The following CDH13 variants were observed in gnomAD, a reference collection of about 807,000 sequenced individuals.
The protein encoded by CDH13 is cadherin-13.
In CDH13, 24 loss-of-function variants were observed where a neutral mutation model predicts 63.8. That is an observed-to-expected ratio of 0.38 (90% CI 0.27 to 0.53). The LOEUF (loss-of-function observed/expected upper bound fraction) is 0.53. CDH13 is among the 20% of genes least tolerant of loss of function. The pLI is 0.85. For missense variants in CDH13, 1,049 were observed against 903.1 expected (o/e 1.16, Z -2.07); for synonymous variants, 503 against 355.3 (o/e 1.42, Z -4.67).
chr16:83,012,866 A>G (rs1334193404), intron 2 of CDH13, among the ~76,000 whole-genome samples: 1 of 152,230 alleles, frequency 6.6e-6, no homozygotes, highest in East Asian at 1.9e-4. Context: ...TTTTAAATGG[A>G]AAATATCTCC....
chr16:82,863,179 C>T (rs1028007188), intron 2 of CDH13, among the ~76,000 whole-genome samples: 1 of 152,118 alleles, frequency 6.6e-6, no homozygotes, highest in Admixed American at 6.5e-5. Flanking sequence ...AAATGGACCA[C>T]AAAGGAGCCA....
chr16:83,559,694 A>G (rs1372407099), intron 7 of CDH13, among the ~76,000 whole-genome samples: 1 of 152,114 alleles, frequency 6.6e-6, no homozygotes, highest in Non-Finnish European at 1.5e-5. Flanking sequence ...TAGGCACCTT[A>G]ATTCTACCCA....
intron 1 of CDH13, among the ~76,000 whole-genome samples, chr16:82,809,070 A>T (rs964446915): frequency 5.3e-5 from 8 of 152,118 alleles, no homozygotes; most frequent in Non-Finnish European, 1.2e-4. Flanking sequence ...ATGTGTTTGT[A>T]TATCAGTGTA....
At chr16:83,453,953 G>T (rs2072954842) in intron 6 of CDH13, among the ~76,000 whole-genome samples, 1 of 152,198 alleles carries the variant, frequency 6.6e-6, no homozygotes, top group Non-Finnish European at 1.5e-5. Context: ...GCCTTCCCAA[G>T]CAGGGTGTGC....
chr16:83,300,940 C>T (rs2089719085), intron 5 of CDH13, among the ~76,000 whole-genome samples: 1 of 151,056 alleles, frequency 6.6e-6, no homozygotes. Flanking sequence ...TCCTCTTCAC[C>T]AAGTGGCACA....
At chr16:83,520,886 A>G (rs1000345020) in intron 7 of CDH13, among the ~76,000 whole-genome samples, 3 of 152,190 alleles carry the variant, frequency 2.0e-5, no homozygotes, top group African/African-American at 4.8e-5. Flanking sequence ...TCCAAGTTTT[A>G]TTTAAAAATC....
chr16:82,683,743 T>G (rs972301789), intron 1 of CDH13, among the ~76,000 whole-genome samples: 1 of 152,206 alleles, frequency 6.6e-6, no homozygotes, highest in Non-Finnish European at 1.5e-5. Context: ...AGTCCATACT[T>G]TCTTAATGAG....
intron 4 of CDH13, among the ~76,000 whole-genome samples, chr16:83,175,311 A>G (rs2038080934): frequency 6.6e-6 from 1 of 152,136 alleles, no homozygotes; most frequent in Non-Finnish European, 1.5e-5. Flanking sequence ...TTTTATATGA[A>G]GTTATCAATA....
chr16:83,302,797 C>T (rs1017307178), intron 5 of CDH13, among the ~76,000 whole-genome samples: 3 of 152,192 alleles, frequency 2.0e-5, no homozygotes, highest in Admixed American at 1.3e-4. Context: ...GTGGGAATGT[C>T]AGAGCAGGTG....
At chr16:83,061,577 C>A (rs11150536) in intron 3 of CDH13, among the ~76,000 whole-genome samples, 1 of 152,036 alleles carries the variant, frequency 6.6e-6, no homozygotes, top group African/African-American at 2.4e-5. Context: ...TCCTGAATGA[C>A]CAGCAGCAGA....
At chr16:83,119,019 C>A (rs541262541) in intron 3 of CDH13, among the ~76,000 whole-genome samples, 1 of 152,152 alleles carries the variant, frequency 6.6e-6, no homozygotes, top group Non-Finnish European at 1.5e-5. Context: ...TGCCAGAGTC[C>A]TCACTGTCCA....
intron 5 of CDH13, among the ~76,000 whole-genome samples, chr16:83,219,719 T>C (rs981949051): frequency 6.6e-6 from 1 of 152,234 alleles, no homozygotes; most frequent in Non-Finnish European, 1.5e-5. Flanking sequence ...GTCTATGTCA[T>C]AGCATATGGA....
At chr16:83,508,055 A>AGGAAGGAAGGAAGGAAGGAAG (rs1343350266) in intron 7 of CDH13, among the ~76,000 whole-genome samples, 14 of 58,296 alleles carry the variant, frequency 2.4e-4, no homozygotes, top group African/African-American at 1.0e-3. Flanking sequence ...GAGAAAGAGA[A>AGGAAGGAAGGAAGGAAGGAAG]GAAGGAAGGA....
At chr16:83,728,497 T>A (rs905149284) in intron 10 of CDH13, among the ~76,000 whole-genome samples, 3 of 152,134 alleles carry the variant, frequency 2.0e-5, no homozygotes, top group Non-Finnish European at 2.9e-5. Flanking sequence ...AAGAACTACA[T>A]TAAAGCTTCT....
intron 2 of CDH13, among the ~76,000 whole-genome samples, chr16:83,004,648 C>A (rs1031115676): frequency 1.3e-5 from 2 of 152,070 alleles, no homozygotes; most frequent in African/African-American, 4.8e-5. Flanking sequence ...CAGGTGCCCG[C>A]CACCACACCC....
chr16:83,423,298 G>A (rs578092638), intron 6 of CDH13, among the ~76,000 whole-genome samples: 15 of 152,134 alleles, frequency 9.9e-5, no homozygotes, highest in Admixed American at 4.6e-4. Context: ...TAACTAAGTC[G>A]TTATTGAAAG....
intron 2 of CDH13, among the ~76,000 whole-genome samples, chr16:82,871,011 C>G (rs1334869828): frequency 2.6e-5 from 4 of 152,192 alleles, no homozygotes; most frequent in Non-Finnish European, 5.9e-5. Context: ...CACTATTACT[C>G]CTAAGACTGT....
chr16:83,626,496 C>A (rs139834251), intron 8 of CDH13, among the ~76,000 whole-genome samples: 1 of 152,294 alleles, frequency 6.6e-6, no homozygotes, highest in Non-Finnish European at 1.5e-5. Flanking sequence ...ATGAGTAGGT[C>A]AGTGGACAAT....
At chr16:82,886,227 C>T (rs2040881932) in intron 2 of CDH13, among the ~76,000 whole-genome samples, 1 of 152,176 alleles carries the variant, frequency 6.6e-6, no homozygotes, top group Admixed American at 6.5e-5. Context: ...AATAATGCTG[C>T]AGTGAACATC....
Sources: gnomAD v4.1 joint callset for allele counts (sites outside exome capture counted in the v4.1 genomes callset) on GRCh38, gnomAD v4.1.1 for gene constraint, MANE v1.5 for transcripts, NCBI Gene and HGNC (gene_info 2026-07-23, HGNC 2026-07-21) for gene names.